The following BRINP1 variants were observed in gnomAD, a reference collection of about 807,000 sequenced individuals.
The protein encoded by BRINP1 is BMP/retinoic acid inducible neural specific 1, also known as BMP/retinoic acid-inducible neural-specific protein 1.
Under a neutral mutation model 72.9 loss-of-function variants are expected in BRINP1, and 17 were observed. The ratio of observed to expected loss-of-function variants is 0.23; its 90% CI spans 0.16 to 0.35. BRINP1 has a LOEUF of 0.35. BRINP1 is among the 10% of genes least tolerant of loss of function. The pLI is 1.00. For synonymous variants in BRINP1, 418 were observed against 378.5 expected (o/e 1.10, Z -1.21); for missense variants, 850 against 1,001.6 (o/e 0.85, Z 2.04).
At chr9:119,314,654 C>T (rs1831107721) in intron 1 of BRINP1, among the ~76,000 whole-genome samples, 1 of 152,152 alleles carries the variant, frequency 6.6e-6, no homozygotes, top group African/African-American at 2.4e-5. Flanking sequence ...GTGACCCCAC[C>T]CTACTTATTC....
chr9:119,318,545 T>C (rs902683093), intron 1 of BRINP1, among the ~76,000 whole-genome samples: 6 of 151,974 alleles, frequency 3.9e-5, no homozygotes, highest in African/African-American at 1.5e-4. Context: ...CTAAAACAAA[T>C]CCGTACATGT....
intron 5 of BRINP1, among the ~76,000 whole-genome samples, chr9:119,237,432 G>A (rs1020507528): frequency 2.0e-5 from 3 of 150,816 alleles, no homozygotes; most frequent in Non-Finnish European, 4.4e-5. Context: ...GCATGATCTT[G>A]GCTCACTGTA....
At chr9:119,263,842 T>C (rs1335771954) in intron 2 of BRINP1, among the ~76,000 whole-genome samples, 1 of 152,060 alleles carries the variant, frequency 6.6e-6, no homozygotes, top group Non-Finnish European at 1.5e-5. Context: ...TCTCCTGACC[T>C]TGTGATCCGC....
At chr9:119,202,250 C>T (rs928018201) in intron 7 of BRINP1, among the ~76,000 whole-genome samples, 4 of 152,110 alleles carry the variant, frequency 2.6e-5, no homozygotes, top group African/African-American at 9.7e-5. Flanking sequence ...AAGATGAAAG[C>T]CATAAGACTG....
At chr9:119,311,878 C>T (rs1009573959) in intron 2 of BRINP1, among the ~76,000 whole-genome samples, 2 of 152,180 alleles carry the variant, frequency 1.3e-5, no homozygotes, top group African/African-American at 4.8e-5. Flanking sequence ...AAGGAAAGCA[C>T]TGGGGTCAGG....
intron 3 of BRINP1, among the ~76,000 whole-genome samples, chr9:119,242,811 CTTCTT>C (rs977493059): frequency 7.2e-5 from 11 of 152,074 alleles, no homozygotes; most frequent in Non-Finnish European, 1.2e-4. Context: ...TATACATTTT[CTTCTT>C]TTAAGTTTTT....
At chr9:119,338,827 G>A (rs1453884801) in intron 1 of BRINP1, among the ~76,000 whole-genome samples, 3 of 151,084 alleles carry the variant, frequency 2.0e-5, no homozygotes, top group Non-Finnish European at 2.9e-5. Context: ...GGAGCTTGCA[G>A]TGAGCCGAGA....
intron 7 of BRINP1, among the ~76,000 whole-genome samples, chr9:119,178,928 G>A (rs1188554366): frequency 6.6e-6 from 1 of 152,200 alleles, no homozygotes; most frequent in African/African-American, 2.4e-5. Flanking sequence ...GTTTGAGCCT[G>A]TGAAGGGCCT....
intron 1 of BRINP1, among the ~76,000 whole-genome samples, chr9:119,331,648 C>T (rs1831301241): frequency 6.6e-6 from 1 of 152,148 alleles, no homozygotes; most frequent in South Asian, 2.1e-4. Flanking sequence ...CTCTTCCTAG[C>T]TTTTTCTAGA....
Position 119,313,288 on chromosome 9 carries a change from G to A in BRINP1, c.68C>T (p.Ser23Phe). 6.2e-7 allele frequency: 1 copy of A among 1,614,138 alleles called. No homozygotes were observed. The highest frequency in any genetic ancestry group is 8.5e-7 in the Non-Finnish European group (1 of 1,180,036). ...GTCTGTCCCAGCTGGTTCCTGGTGGGAGGGCTGCACTGAGATACGGCCCCA... is the reference window on the plus strand; with the variant it reads ...GTCTGTCCCAGCTGGTTCCTGGTGGAAGGGCTGCACTGAGATACGGCCCCA... ...FIWGRISVQP[S>F]HQEPAGTDQH... Residue 23 changes from serine (S) to phenylalanine (F), a missense_variant, in exon 2 of 8, where the codon TCC (serine) becomes TTC (phenylalanine). Ser to Phe is a radical substitution (Grantham distance 155, BLOSUM62 -2). Coordinates refer to ENST00000265922, the MANE Select transcript of BRINP1 (RefSeq NM_014618.3).
chr9:119,300,104 A>G, intron 2 of BRINP1, among the ~76,000 whole-genome samples: 1 of 152,144 alleles, frequency 6.6e-6, no homozygotes, highest in East Asian at 1.9e-4. Flanking sequence ...CACAAGTGAA[A>G]TCAATAGATT....
intron 7 of BRINP1, among the ~76,000 whole-genome samples, chr9:119,191,956 T>C (rs1018556168): frequency 1.3e-5 from 2 of 151,802 alleles, no homozygotes; most frequent in Non-Finnish European, 3.0e-5. Context: ...CAATCATAAA[T>C]GGTGAACTAA....
rs560420033 is a variant in BRINP1, at chr9:119,330,970, C to T, written c.-50-17565G>A. ...TGAACCCAGCAGGTGGAGGCTGCAG[C>T]GAGCCGAGATTGTGCCACTGCTCTC... On this transcript the variant is annotated intron_variant, in intron 1 of 7. Coordinates refer to ENST00000265922, the MANE Select transcript of BRINP1 (RefSeq NM_014618.3). Among the ~76,000 whole-genome samples the T allele has an allele frequency of 5.3e-4, 80 of 152,116 alleles. 1 individual carries two copies. Among genetic ancestry groups the T allele is most frequent in the African/African-American group, 1.9e-3 (77 of 41,492 alleles).
At chr9:119,238,515 A>G in intron 5 of BRINP1, 140 bp downstream of exon 5, 1 of 562,668 alleles carries the variant, frequency 1.8e-6, no homozygotes, top group Non-Finnish European at 3.2e-6. Flanking sequence ...TCTAATTTCC[A>G]TATTTGCAGT....
intron 7 of BRINP1, among the ~76,000 whole-genome samples, chr9:119,189,395 A>C (rs1368645119): frequency 6.6e-6 from 1 of 152,164 alleles, no homozygotes; most frequent in African/African-American, 2.4e-5. Context: ...TGACAAAAGA[A>C]AAGACTCAAC....
In BRINP1 at chr9:119,167,257, G is replaced by A. The variant is rs868162786; in HGVS notation, c.2113C>T (p.Arg705Cys). Reference protein sequence around the residue: ...LLLDIRDRINRLAPPVAPGKP... With the variant: ...LLLDIRDRINCLAPPVAPGKP... ...CCCGGGGCCACAGGAGGGGCCAGGC[G>A]ATTAATTCGGTCCCGAATATCCAAC... The change falls in exon 8 of 8, where the codon CGC becomes TGC. Residue 705 changes from arginine (R) to cysteine (C), a missense_variant. By Grantham distance (180) the Arg-to-Cys change is radical. Coordinates refer to ENST00000265922, the MANE Select transcript of BRINP1 (RefSeq NM_014618.3). The surrounding 1 kb of genome is among the most constrained non-coding windows in gnomAD (Gnocchi z 4.3). The A allele has an allele frequency of 4.3e-6, 7 of 1,614,062 alleles. No individual in the cohort carries two copies. The highest frequency in any genetic ancestry group is 1.1e-5 in the South Asian group (1 of 91,086).
chr9:119,181,640 A>C (rs1294606399), intron 7 of BRINP1, among the ~76,000 whole-genome samples: 1 of 152,210 alleles, frequency 6.6e-6, no homozygotes, highest in African/African-American at 2.4e-5. Context: ...AAATGCCTTC[A>C]GTAAAATTAT....
chr9:119,283,226 C>G lies in BRINP1; in HGVS notation c.218+29912G>C, dbSNP rs1047556363. The G allele has an allele frequency of 2.2e-5, 20 of 908,184 alleles. No homozygotes were observed. In the African/African-American group the frequency reaches 2.5e-4, roughly 11 times the overall value. 56.3% of individuals were successfully genotyped at this position (908,184 alleles called of 1,614,324 possible). On this transcript the variant is annotated intron_variant, in intron 2 of 7. Transcript: ENST00000265922. ...GAAACAAACAGTAGTCCTCATCGTC[C>G]CTGGAACTGCAGCTTCAGCTGCCTC... is the stretch of plus-strand genomic sequence containing the variant.
chr9:119,301,740 C>A (rs1830941304), intron 2 of BRINP1, among the ~76,000 whole-genome samples: 1 of 152,154 alleles, frequency 6.6e-6, no homozygotes, highest in Non-Finnish European at 1.5e-5. Flanking sequence ...TTGATGAGAA[C>A]TAGGTAAAGG....
Sources: gnomAD v4.1 joint callset for allele counts (sites outside exome capture counted in the v4.1 genomes callset) on GRCh38, gnomAD v4.1.1 for gene constraint, Gnocchi (gnomAD v3.1) non-coding constraint, MANE v1.5 for transcripts, NCBI Gene and HGNC (gene_info 2026-07-23, HGNC 2026-07-21) for gene names.